SYT2: variants seen among roughly 807,000 people sequenced by gnomAD.
SYT2 encodes synaptotagmin 2.
A neutral mutation model predicts 39.9 loss-of-function variants in SYT2; 15 were observed. The ratio of observed to expected loss-of-function variants is 0.38; its 90% confidence interval spans 0.25 to 0.58. The LOEUF (loss-of-function observed/expected upper bound fraction) is 0.58. SYT2 is among the 20% of genes least tolerant of loss of function. SYT2 has a pLI of 0.70. For synonymous variants in SYT2, 181 were observed against 204.5 expected (o/e 0.89, Z 0.98); for missense variants, 389 against 530.3 (o/e 0.73, Z 2.62).
intron 1 of SYT2, among the ~76,000 whole-genome samples, chr1:202,687,807 T>A (rs1653710950): frequency 6.6e-6 from 1 of 152,172 alleles, no homozygotes; most frequent in African/African-American, 2.4e-5. Context: ...AGATCCTCTG[T>A]TAATTTTTCC....
intron 1 of SYT2, among the ~76,000 whole-genome samples, chr1:202,647,565 CT>C (rs1692112466): frequency 6.6e-6 from 1 of 152,182 alleles, no homozygotes; most frequent in South Asian, 2.1e-4. Flanking sequence ...AACCTCACCC[CT>C]GCCCCCAGGC....
At chr1:202,678,448 C>T (rs535695420) in intron 1 of SYT2, among the ~76,000 whole-genome samples, 1 of 151,684 alleles carries the variant, frequency 6.6e-6, no homozygotes, top group African/African-American at 2.4e-5. Context: ...TTTCTTTCAC[C>T]ATCTCTCCAA....
intron 1 of SYT2, among the ~76,000 whole-genome samples, chr1:202,695,944 G>A (rs530900079): frequency 6.6e-6 from 1 of 152,238 alleles, no homozygotes; most frequent in Admixed American, 6.5e-5. Flanking sequence ...CTCTGGGCTT[G>A]TTCTTCTCCT....
At chr1:202,694,980 C>A (rs74136800) in intron 1 of SYT2, among the ~76,000 whole-genome samples, 17 of 152,266 alleles carry the variant, frequency 1.1e-4, no homozygotes, top group African/African-American at 3.9e-4. Flanking sequence ...GTCTTCTCTG[C>A]GGAAGGTCTC....
In SYT2 at chr1:202,623,386, C is replaced by A. The variant is rs1055856899; in HGVS notation, c.-17-17597G>T. On this transcript the variant is annotated intron_variant, in intron 1 of 8. Coordinates refer to ENST00000367268, the MANE Select transcript of SYT2 (RefSeq NM_177402.5). This position sits in a 1 kb window ranked among gnomAD's most constrained non-coding sequence, Gnocchi z 4.2. ...CAGCCCAGGGGGCTGCCTCTGGCCCCCAGACAGGCTGCCTTCCCACCTCCT... is the reference window on the plus strand; with the variant it reads ...CAGCCCAGGGGGCTGCCTCTGGCCCACAGACAGGCTGCCTTCCCACCTCCT... Among the ~76,000 whole-genome samples, 1 of 152,328 alleles carries A rather than the reference C, an allele frequency of 6.6e-6. No individual in the cohort carries two copies. The highest frequency in any genetic ancestry group is 6.5e-5 in the Admixed American group (1 of 15,302).
At chr1:202,597,174 G>A (rs1690329498) in intron 8 of SYT2, among the ~76,000 whole-genome samples, 1 of 152,224 alleles carries the variant, frequency 6.6e-6, no homozygotes, top group African/African-American at 2.4e-5. Flanking sequence ...GGCATTTATT[G>A]AGGATGTACT....
intron 1 of SYT2, among the ~76,000 whole-genome samples, chr1:202,682,707 C>T (rs550987845): frequency 1.1e-4 from 16 of 152,118 alleles, no homozygotes; most frequent in Admixed American, 5.2e-4. Context: ...GTCAAGGCCA[C>T]GGAGCTAGCG....
At chr1:202,692,025 G>A (rs1653849723) in intron 1 of SYT2, among the ~76,000 whole-genome samples, 2 of 152,004 alleles carry the variant, frequency 1.3e-5, no homozygotes, top group African/African-American at 4.8e-5. Flanking sequence ...TCTCTGCCCA[G>A]CACTCCACTC....
At chr1:202,608,015 C>T (rs1478485577) in intron 1 of SYT2, among the ~76,000 whole-genome samples, 1 of 152,100 alleles carries the variant, frequency 6.6e-6, no homozygotes, top group Non-Finnish European at 1.5e-5. Flanking sequence ...AACATTTTTG[C>T]CACCTCAAAA....
intron 1 of SYT2, chr1:202,627,486 G>A: frequency 1.0e-6 from 1 of 985,414 alleles, no homozygotes; most frequent in Non-Finnish European, 1.2e-6. Flanking sequence ...GTGACACCCA[G>A]GGCCTGAGTG....
Position 202,623,138 on chromosome 1 carries a change from C to T in SYT2, c.-17-17349G>A, listed in dbSNP as rs758218438. On this transcript the variant is annotated intron_variant, in intron 1 of 8. Transcript: ENST00000367268. The surrounding 1 kb of genome is among the most constrained non-coding windows in gnomAD (Gnocchi z 4.2). ...CAGAGGGATGCCCCCGCCAGGCAAG[C>T]CCCTCAGCACACCCTCCGCTCTGCC... Among the ~76,000 whole-genome samples, 25 of 152,328 alleles carry T rather than the reference C, an allele frequency of 1.6e-4. No homozygotes were observed. The highest frequency in any genetic ancestry group is 3.1e-4 in the Non-Finnish European group (21 of 68,022).
At chr1:202,666,418 C>T (rs992644822) in intron 1 of SYT2, among the ~76,000 whole-genome samples, 3 of 152,076 alleles carry the variant, frequency 2.0e-5, no homozygotes, top group Non-Finnish European at 4.4e-5. Context: ...ACCTAGAATG[C>T]GGAGGGCCCA....
chr1:202,620,801 A>G (rs1424899143), intron 1 of SYT2, among the ~76,000 whole-genome samples: 1 of 151,792 alleles, frequency 6.6e-6, no homozygotes, highest in African/African-American at 2.4e-5. Context: ...GGGTGAGACG[A>G]CCTCGCACAC....
At chr1:202,704,509 G>C (rs370604684) in intron 1 of SYT2, among the ~76,000 whole-genome samples, 1 of 152,160 alleles carries the variant, frequency 6.6e-6, no homozygotes, top group South Asian at 2.1e-4. Flanking sequence ...ACACCTGCAC[G>C]CAAGGGTTGA....
intron 1 of SYT2, among the ~76,000 whole-genome samples, chr1:202,610,443 A>G (rs1462296681): frequency 6.6e-6 from 1 of 152,176 alleles, no homozygotes; most frequent in Non-Finnish European, 1.5e-5. Context: ...CACCACTCCT[A>G]TTCAACATAG....
chr1:202,674,179 G>A (rs564449120), intron 1 of SYT2, among the ~76,000 whole-genome samples: 1 of 152,250 alleles, frequency 6.6e-6, no homozygotes, highest in Admixed American at 6.5e-5. Context: ...TTGTGTCGCT[G>A]CAACCTCCGC....
intron 1 of SYT2, among the ~76,000 whole-genome samples, chr1:202,630,886 G>T (rs1037493829): frequency 6.6e-6 from 1 of 152,222 alleles, no homozygotes; most frequent in African/African-American, 2.4e-5. Flanking sequence ...CAGAGGAGAG[G>T]TGGAATGGAA....
At chr1:202,689,780 T>TC (rs1653771519) in intron 1 of SYT2, among the ~76,000 whole-genome samples, 1 of 151,914 alleles carries the variant, frequency 6.6e-6, no homozygotes, top group African/African-American at 2.4e-5. Context: ...TCCTGGTAGT[T>TC]CCCCAACATT....
chr1:202,645,559 C>T (rs1319791287), intron 1 of SYT2, among the ~76,000 whole-genome samples: 1 of 152,170 alleles, frequency 6.6e-6, no homozygotes, highest in Non-Finnish European at 1.5e-5. Context: ...GATGAAATGA[C>T]CCCCATGGTT....
Sources: allele counts gnomAD v4.1 joint callset (sites outside exome capture counted in the v4.1 genomes callset), GRCh38; gene constraint gnomAD v4.1.1; non-coding constraint Gnocchi (gnomAD v3.1); transcripts MANE v1.5; gene names NCBI Gene and HGNC (gene_info 2026-07-23, HGNC 2026-07-21).